SEMA3G: variants seen among roughly 807,000 people sequenced by gnomAD.
SEMA3G encodes semaphorin-3G.
Under a neutral mutation model 86.2 loss-of-function variants are expected in SEMA3G, and 70 were observed. The observed-to-expected ratio is 0.81, with a 90% CI of 0.67 to 0.99. The LOEUF (loss-of-function observed/expected upper bound fraction) is 0.99. Among genes scored for constraint, SEMA3G ranks in the 50% least tolerant of loss-of-function variants. The pLI, the probability that SEMA3G is intolerant of heterozygous loss-of-function variation, is 0.00. For missense variants in SEMA3G, 1,002 were observed against 1,072.4 expected, an observed-to-expected ratio of 0.93 and a Z score of 0.92; for synonymous variants, 416 against 441.4, an observed-to-expected ratio of 0.94 and a Z score of 0.72.
chr3:52,440,764 T>G lies in SEMA3G; in HGVS notation c.988A>C (p.Ser330Arg). Reference sequence around the variant, plus strand: ...GCTGGGTGTGCCCACCTGACGGTGCTGAACAGCGCGTACACCTCGAGGCTC... The same window carrying G: ...GCTGGGTGTGCCCACCTGACGGTGCGGAACAGCGCGTACACCTCGAGGCTC... ...GKSLEVYALF[S>R]TVSAVFQGFA... Residue 330 changes from serine (S) to arginine (R), a missense_variant, in exon 9 of 16, where the codon AGC becomes CGC. Physicochemically the swap from Ser to Arg is moderately radical, Grantham distance 110 (BLOSUM62 -1). Transcript: ENST00000231721. 1 of 1,612,994 alleles carries G rather than the reference T, an allele frequency of 6.2e-7. No homozygotes were observed. The highest frequency in any genetic ancestry group is 8.5e-7 in the Non-Finnish European group (1 of 1,179,894).
chr3:52,443,087 G>A (rs1002644840), intron 1 of SEMA3G, 180 bp from the exon 2 acceptor site: 37 of 1,525,214 alleles, frequency 2.4e-5, no homozygotes, highest in East Asian at 9.9e-5. Context: ...CAGGTGGGAC[G>A]GGAGGCTCAG....
At chr3:52,440,578 C>A (rs1001778038) in intron 9 of SEMA3G, 57 bp from the exon 10 acceptor site, 22 of 1,562,204 alleles carry the variant, frequency 1.4e-5, no homozygotes, top group Non-Finnish European at 1.9e-5. Context: ...AAGAAGGGAA[C>A]AGCCTGGTTC....
In SEMA3G at chr3:52,444,953, G is replaced by A; in HGVS notation, c.75C>T (p.Ser25=). ...LLLHGGSSGP[S]PGPSVPRLRL... is the part of the protein sequence containing the mutation. ...GCAGGCGGGGCACACTGGGGCCGGGGCTGGGGCCAGAGCTACCCCCATGGA... is the reference window on the plus strand; with the variant it reads ...GCAGGCGGGGCACACTGGGGCCGGGACTGGGGCCAGAGCTACCCCCATGGA... Residue 25 remains serine (S), a synonymous_variant, in exon 1 of 16, where the codon AGC becomes AGT. Coordinates refer to ENST00000231721, the MANE Select transcript of SEMA3G (RefSeq NM_020163.3). The A allele has an allele frequency of 7.7e-7, 1 of 1,303,658 alleles. No homozygotes were observed. The highest frequency in any genetic ancestry group is 9.8e-7 in the Non-Finnish European group (1 of 1,021,360). 80.8% of individuals were successfully genotyped at this position (1,303,658 alleles called of 1,614,324 possible).
intron 14 of SEMA3G, 115 bp from the exon 15 acceptor site, chr3:52,437,781 G>C: frequency 3.1e-6 from 4 of 1,288,050 alleles, no homozygotes; most frequent in Non-Finnish European, 4.3e-6. Flanking sequence ...TTAGGCATGC[G>C]TGGATCCCCA....
chr3:52,436,563 G>C (rs1367686631), intron 15 of SEMA3G, among the ~76,000 whole-genome samples: 1 of 152,208 alleles, frequency 6.6e-6, no homozygotes, highest in Non-Finnish European at 1.5e-5. Context: ...CACACACACA[G>C]AGACACACAC....
intron 12 of SEMA3G, 76 bp from the exon 13 acceptor site, chr3:52,439,037 C>T: frequency 6.6e-7 from 1 of 1,526,018 alleles, no homozygotes; most frequent in Non-Finnish European, 8.9e-7. Flanking sequence ...TCAGTCTCCT[C>T]CAACCCTGGG....
In SEMA3G at chr3:52,435,047, T is replaced by C. The variant is rs1578253784; in HGVS notation, c.*556A>G. 6.5e-6 allele frequency: 1 copy of C among 154,586 alleles called. No homozygotes were observed. The highest frequency in any genetic ancestry group is 6.4e-5 in the Admixed American group (1 of 15,682). 9.6% of individuals were successfully genotyped at this position (154,586 alleles called of 1,614,324 possible). A position where few individuals can be genotyped will look rare whatever the true frequency, so the allele number is the denominator to read the frequency against. The stretch of plus-strand genomic sequence containing the variant: ...GCAGTGGCAGGGAGCCACCAAGATA[T>C]CACGGCGCGACAGGAGGGGAGGTGC... On this transcript the variant is annotated 3_prime_UTR_variant, in exon 16 of 16. Coordinates refer to ENST00000231721, the MANE Select transcript of SEMA3G (RefSeq NM_020163.3).
At chr3:52,440,244 G>T in intron 10 of SEMA3G, 133 bp downstream of exon 10, 1 of 509,866 alleles carries the variant, frequency 2.0e-6, no homozygotes, top group Non-Finnish European at 3.3e-6. Context: ...ACCCCACCCA[G>T]GCCCTCTGGA....
At chr3:52,438,998 G>T (rs1322403754) in intron 12 of SEMA3G, 37 bp from the exon 13 acceptor site, 5 of 1,605,172 alleles carry the variant, frequency 3.1e-6, no homozygotes, top group Non-Finnish European at 4.3e-6. Context: ...GGGTCGGGTG[G>T]ACCAAGACCT....
At chr3:52,438,873 G>C in intron 13 of SEMA3G, 47 bp downstream of exon 13, 1 of 1,609,572 alleles carries the variant, frequency 6.2e-7, no homozygotes, top group Middle Eastern at 1.7e-4. Context: ...AGGCTGCGGA[G>C]CAGGGGCAGA....
chr3:52,443,549 G>A (rs1706201887), intron 1 of SEMA3G, among the ~76,000 whole-genome samples: 1 of 152,174 alleles, frequency 6.6e-6, no homozygotes, highest in South Asian at 2.1e-4. Context: ...GCTTGGCTAG[G>A]GAGGTGGAGG....
In SEMA3G at chr3:52,441,911, T is replaced by C. The variant is rs1706166698; in HGVS notation, c.460-2A>G. 1.3e-6 allele frequency: 2 copies of C among 1,561,320 alleles called. No homozygotes were observed. The highest frequency in any genetic ancestry group is 1.3e-5 in the African/African-American group (1 of 74,088). The stretch of plus-strand genomic sequence containing the variant: ...GCCAGGCTCCAGGTGGAGCACATGC[T>C]AGTGGGAGGGAGAGAGGGAGGGAGG... On this transcript the variant is annotated splice_acceptor_variant, in intron 4 of 15. Transcript: ENST00000231721. LOFTEE classifies it high-confidence loss of function.
rs878945745 is a variant in SEMA3G at position 52,435,353 on chromosome 3, C to T, written c.*250G>A. Reference sequence around the variant, plus strand: ...CCATCTCTGAGAACAAATGGCAGATCCCTTGGGGCTGCCAGCAGCCAGAGG... The same window carrying T: ...CCATCTCTGAGAACAAATGGCAGATTCCTTGGGGCTGCCAGCAGCCAGAGG... On this transcript the variant is annotated 3_prime_UTR_variant, in exon 16 of 16. Coordinates refer to ENST00000231721, the MANE Select transcript of SEMA3G (RefSeq NM_020163.3). The T allele has an allele frequency of 5.6e-6, 3 of 536,694 alleles. No homozygotes were observed. The highest frequency in any genetic ancestry group is 2.4e-5 in the South Asian group (1 of 40,848). 33.2% of individuals were successfully genotyped at this position (536,694 alleles called of 1,614,324 possible). A position where few individuals can be genotyped will look rare whatever the true frequency, so the allele number is the denominator to read the frequency against.
rs1028201411 is a variant in SEMA3G, at chr3:52,438,005, G to T, written c.1704C>A (p.Asn568Lys). The T allele has an allele frequency of 6.2e-7, 1 of 1,612,856 alleles. No individual in the cohort carries two copies. The highest frequency in any genetic ancestry group is 1.7e-5 in the Admixed American group (1 of 60,012). The change falls in exon 14 of 16, where the codon AAC (asparagine) becomes AAA (lysine). Residue 568 changes from asparagine (N) to lysine (K), a missense_variant. Coordinates refer to ENST00000231721, the MANE Select transcript of SEMA3G (RefSeq NM_020163.3). Reference protein sequence around the residue: ...RFRRQDIRHGNPALQCLGQSQ... With the variant: ...RFRRQDIRHGKPALQCLGQSQ... ...TCTGGCCCAGGCACTGCAGGGCAGG[G>T]TTGCCGTGCCGGATGTCCTGCCGGC...
rs1483806401 is a variant in SEMA3G, at chr3:52,445,082, C to G, written c.-55G>C. 1.6e-6 allele frequency: 2 copies of G among 1,251,264 alleles called. No individual in the cohort carries two copies. The highest frequency in any genetic ancestry group is 3.6e-5 in the South Asian group (1 of 27,570). The allele number at this position is 1,251,264 out of a possible 1,614,324, so 77.5% of individuals were successfully genotyped here. A position where few individuals can be genotyped will look rare whatever the true frequency, so the allele number is the denominator to read the frequency against. ...TGCCTGCAGAGCCGCCCTCTGGTCC[C>G]GCTGGCCGCCGGTTGTAGTTTGCTC... On this transcript the variant is annotated 5_prime_UTR_variant, in exon 1 of 16. Coordinates refer to ENST00000231721, the MANE Select transcript of SEMA3G (RefSeq NM_020163.3).
At chr3:52,440,547 G>A (rs772768018) in intron 9 of SEMA3G, 26 bp from the exon 10 acceptor site, 1 of 1,594,122 alleles carries the variant, frequency 6.3e-7, no homozygotes, top group Non-Finnish European at 8.5e-7. Flanking sequence ...GGACAGTCAG[G>A]CCAGAGTGGC....
Position 52,439,574 on chromosome 3 carries a change from G to C in SEMA3G, c.1467+106C>G, listed in dbSNP as rs185430478. ...CAGCATCCTGCCAGCTGCAAATTCA[G>C]TAAAGACAGGCTGGCTCCCTACTGG... On this transcript the variant is annotated intron_variant, in intron 12 of 15. Coordinates refer to ENST00000231721, the MANE Select transcript of SEMA3G (RefSeq NM_020163.3). The C allele has an allele frequency of 9.1e-5, 81 of 888,350 alleles. No homozygotes were observed. In the African/African-American group the frequency reaches 1.2e-3, roughly 13 times the overall value. 55.0% of individuals were successfully genotyped at this position (888,350 alleles called of 1,614,324 possible).
chr3:52,444,195 A>T (rs1392831458), intron 1 of SEMA3G, among the ~76,000 whole-genome samples: 8 of 151,500 alleles, frequency 5.3e-5, no homozygotes, highest in Non-Finnish European at 1.2e-4. Context: ...GCCCAGACAG[A>T]CCCTTCAGCC....
At position 52,433,223 on chromosome 3, in the gene SEMA3G, A is replaced by G. The variant is rs534870013; in HGVS notation, c.*2380T>C. 1 of 152,250 alleles carries G rather than the reference A, an allele frequency of 6.6e-6. No individual in the cohort carries two copies. Among genetic ancestry groups the G allele is most frequent in the Admixed American group, 6.5e-5 (1 of 15,290 alleles). The allele number at this position is 152,250 out of a possible 1,614,324, so 9.4% of individuals were successfully genotyped here. A position where few individuals can be genotyped will look rare whatever the true frequency, so the allele number is the denominator to read the frequency against. ...TTTGGGAAATCATGAAACAGAAGTC[A>G]CTCAGGGTGACCTTCTTTCTCATGG... On this transcript the variant is annotated 3_prime_UTR_variant, in exon 16 of 16. Transcript: ENST00000231721.
Sources: gnomAD v4.1 joint callset for allele counts (sites outside exome capture counted in the v4.1 genomes callset) on GRCh38, gnomAD v4.1.1 for gene constraint, MANE v1.5 for transcripts, NCBI Gene and HGNC (gene_info 2026-07-23, HGNC 2026-07-21) for gene names.